Variants in SLC24A2 observed in about 807,000 individuals in gnomAD.
The protein encoded by SLC24A2 is solute carrier family 24 member 2.
A neutral mutation model predicts 62.0 loss-of-function variants in SLC24A2; 36 were observed. The observed-to-expected ratio is 0.58, with a 90% CI of 0.44 to 0.77. The LOEUF (loss-of-function observed/expected upper bound fraction) is 0.77, where lower values mean the gene tolerates loss of function less well. Ranked by LOEUF, SLC24A2 falls within the 30% of genes least tolerant of loss-of-function variation. SLC24A2 has a pLI of 0.00. For missense variants in SLC24A2, 846 were observed against 817.9 expected (o/e 1.03, Z -0.42); for synonymous variants, 358 against 294.0 (o/e 1.22, Z -2.23).
chr9:19,603,667 G>T (rs916456748), intron 4 of SLC24A2, among the ~76,000 whole-genome samples: 3 of 152,022 alleles, frequency 2.0e-5, no homozygotes, highest in Non-Finnish European at 4.4e-5. Context: ...TACTGCAATG[G>T]TCTTATTTGC....
At chr9:19,757,264 A>T (rs994424554) in intron 2 of SLC24A2, among the ~76,000 whole-genome samples, 6 of 152,080 alleles carry the variant, frequency 3.9e-5, no homozygotes, top group African/African-American at 1.2e-4. Flanking sequence ...TATTTAACAT[A>T]CTGTATGTTT....
chr9:20,259,158 A>G, the SLC24A2 span, among the ~76,000 whole-genome samples: 1 of 152,154 alleles, frequency 6.6e-6, no homozygotes. Flanking sequence ...AAAGACATGA[A>G]AACAGATTCT....
the SLC24A2 span, among the ~76,000 whole-genome samples, chr9:20,163,847 T>A: frequency 1.2e-4 from 18 of 152,160 alleles, no homozygotes; most frequent in African/African-American, 4.3e-4. Flanking sequence ...AACTATCTGA[T>A]CTTTGACAAA....
the SLC24A2 span, among the ~76,000 whole-genome samples, chr9:19,802,277 T>A: frequency 6.6e-6 from 1 of 152,250 alleles, no homozygotes; most frequent in Non-Finnish European, 1.5e-5. Context: ...ATCTTCATCA[T>A]GGAATTATAG....
At chr9:19,952,412 A>G in the SLC24A2 span, among the ~76,000 whole-genome samples, 1 of 152,016 alleles carries the variant, frequency 6.6e-6, no homozygotes, top group East Asian at 1.9e-4. Context: ...GGCATTCACC[A>G]CTGTGTATCT....
At chr9:20,076,388 C>T in the SLC24A2 span, among the ~76,000 whole-genome samples, 1 of 152,132 alleles carries the variant, frequency 6.6e-6, no homozygotes, top group African/African-American at 2.4e-5. Context: ...GCTTTTCCTA[C>T]TGCCAGGAAG....
At chr9:20,112,138 C>G in the SLC24A2 span, among the ~76,000 whole-genome samples, 2 of 152,104 alleles carry the variant, frequency 1.3e-5, no homozygotes, top group Admixed American at 1.3e-4. Context: ...CTAAGCTATT[C>G]ATATTGATTT....
the SLC24A2 span, among the ~76,000 whole-genome samples, chr9:20,099,930 G>A: frequency 6.6e-6 from 1 of 152,102 alleles, no homozygotes; most frequent in African/African-American, 2.4e-5. Flanking sequence ...ACTCACCCAT[G>A]AGCATTTCAT....
chr9:20,035,151 G>A, the SLC24A2 span, among the ~76,000 whole-genome samples: 51 of 152,104 alleles, frequency 3.4e-4, no homozygotes, highest in Admixed American at 5.9e-4. Flanking sequence ...AATTTTTACT[G>A]ACATTAGGAA....
At chr9:20,275,316 G>A in the SLC24A2 span, among the ~76,000 whole-genome samples, 4,960 of 152,130 alleles carry the variant, frequency 0.033, 248 homozygotes, top group African/African-American at 0.11. Flanking sequence ...TAATGCCAGA[G>A]CACTTGCAAG....
chr9:19,876,069 T>G, the SLC24A2 span, among the ~76,000 whole-genome samples: 2 of 152,214 alleles, frequency 1.3e-5, no homozygotes, highest in African/African-American at 4.8e-5. Context: ...CTTCCTTTAG[T>G]ATTGTTAGGG....
the SLC24A2 span, among the ~76,000 whole-genome samples, chr9:20,028,876 A>G: frequency 6.6e-6 from 1 of 152,204 alleles, no homozygotes; most frequent in East Asian, 1.9e-4. Flanking sequence ...CAGTACTTCT[A>G]AGTGAGAAAA....
chr9:19,639,802 A>G (rs1412233452), intron 2 of SLC24A2, among the ~76,000 whole-genome samples: 1 of 152,268 alleles, frequency 6.6e-6, no homozygotes, highest in African/African-American at 2.4e-5. Context: ...GCTCTGCTGA[A>G]TTCATTTATT....
At chr9:19,787,381 T>C (rs991858815) in intron 1 of SLC24A2, among the ~76,000 whole-genome samples, 5 of 152,258 alleles carry the variant, frequency 3.3e-5, no homozygotes, top group Non-Finnish European at 7.3e-5. Context: ...CCTTAAATCA[T>C]GTAATAACCT....
At chr9:20,234,054 C>T in the SLC24A2 span, among the ~76,000 whole-genome samples, 1 of 152,182 alleles carries the variant, frequency 6.6e-6, no homozygotes. Flanking sequence ...GAATATTGGT[C>T]CCCACTCTCT....
At chr9:19,915,265 C>T in the SLC24A2 span, among the ~76,000 whole-genome samples, 4,697 of 152,176 alleles carry the variant, frequency 0.031, 245 homozygotes, top group African/African-American at 0.11. Context: ...ATCAGCGCTT[C>T]GTTCTTTTTT....
chr9:19,971,094 T>A, the SLC24A2 span, among the ~76,000 whole-genome samples: 1 of 152,210 alleles, frequency 6.6e-6, no homozygotes, highest in Non-Finnish European at 1.5e-5. Flanking sequence ...CACTTGTTCT[T>A]GTCCTCTACC....
chr9:19,901,868 T>A, the SLC24A2 span, among the ~76,000 whole-genome samples: 3 of 152,066 alleles, frequency 2.0e-5, no homozygotes, highest in South Asian at 2.1e-4. Context: ...GAGGGGGGAC[T>A]GAGGTGGTGT....
rs778087789 is a variant in SLC24A2 at position 19,521,013 on chromosome 9, G to A, written c.1617C>T (p.Ile539=). ...CAGGGATGGAGGTCCCAGCAGCCAA[G>A]ATGGTCAGGCCCATAATCTCTTCAC... ...GISEEIMGLT[I]LAAGTSIPDL... Residue 539 remains isoleucine, a synonymous_variant, in exon 10 of 11, where the codon ATC becomes ATT. Transcript: ENST00000341998. 1.2e-6 allele frequency: 2 copies of A among 1,614,006 alleles called. No homozygotes were observed. Among genetic ancestry groups the A allele is most frequent in the East Asian group, 2.2e-5 (1 of 44,876 alleles).
Sources: gnomAD v4.1 joint callset for allele counts (sites outside exome capture counted in the v4.1 genomes callset) on GRCh38, gnomAD v4.1.1 for gene constraint, MANE v1.5 for transcripts, NCBI Gene and HGNC (gene_info 2026-07-23, HGNC 2026-07-21) for gene names.